Variants in COL18A1 observed in about 807,000 individuals in gnomAD.
COL18A1 encodes the protein collagen type XVIII alpha 1 chain.
COL18A1 carries 133 observed loss-of-function variants against 168.0 expected under a neutral mutation model. The ratio of observed to expected loss-of-function variants is 0.79; its 90% CI spans 0.69 to 0.91. The LOEUF is 0.91. Among genes scored for constraint, COL18A1 ranks in the 40% least tolerant of loss-of-function variants. The probability of loss-of-function intolerance (pLI) is 0.00; values close to 1 mark genes in which losing one functional copy is unlikely to be tolerated. For synonymous variants in COL18A1, 949 were observed against 809.0 expected (o/e 1.17, Z -2.94); for missense variants, 2,126 against 1,925.4 (o/e 1.10, Z -1.95).
chr21:45,455,607 T>G (rs1418097203), intron 2 of COL18A1: 3 of 1,613,850 alleles, frequency 1.9e-6, no homozygotes, highest in Non-Finnish European at 2.5e-6. Context: ...GCCAACCTGC[T>G]GAACCTGAAC....
chr21:45,427,517 GC>G (rs2033839031), intron 2 of COL18A1, among the ~76,000 whole-genome samples: 1 of 152,192 alleles, frequency 6.6e-6, no homozygotes, highest in Non-Finnish European at 1.5e-5. Flanking sequence ...CCCCAGGCAG[GC>G]CCCCTCTTGC....
intron 30 of COL18A1, 80 bp from the exon 31 acceptor site, chr21:45,496,970 G>A (rs916635561): frequency 2.1e-5 from 20 of 931,264 alleles, no homozygotes; most frequent in African/African-American, 1.1e-4. Context: ...TGGTGCTTCT[G>A]GGCTTGGGGA....
intron 20 of COL18A1, among the ~76,000 whole-genome samples, chr21:45,490,617 C>G: frequency 6.7e-6 from 1 of 149,448 alleles, no homozygotes; most frequent in East Asian, 2.0e-4. Flanking sequence ...CCTGGGCCTT[C>G]GTGTGCCCTC....
chr21:45,507,309 CACCCTCCT>C, intron 37 of COL18A1: 1 of 579,856 alleles, frequency 1.7e-6, no homozygotes, highest in Non-Finnish European at 3.1e-6. Context: ...GCAGGGAGGG[CACCCTCCT>C]GTGGGCTGGC....
At chr21:45,470,577 C>T (rs1414023220) in intron 3 of COL18A1, among the ~76,000 whole-genome samples, 1 of 150,666 alleles carries the variant, frequency 6.6e-6, no homozygotes, top group African/African-American at 2.4e-5. Context: ...ACCTCTGCCT[C>T]CCAGGTTCAT....
chr21:45,432,759 G>C (rs1312979941), intron 2 of COL18A1, among the ~76,000 whole-genome samples: 2 of 152,240 alleles, frequency 1.3e-5, no homozygotes, highest in Non-Finnish European at 2.9e-5. Flanking sequence ...ACGTGGCTCT[G>C]TGGGTCAGGG....
At chr21:45,458,067 C>T (rs548903389) in intron 2 of COL18A1, among the ~76,000 whole-genome samples, 3 of 126,760 alleles carry the variant, frequency 2.4e-5, no homozygotes, top group Non-Finnish European at 3.2e-5. Flanking sequence ...CAGGTGGTCC[C>T]AGGAGTAAAG....
rs1294834943 is a variant in COL18A1 at position 45,498,305 on chromosome 21, C to T, written c.2683+644C>T. On this transcript the variant is annotated intron_variant, in intron 32 of 41. Coordinates refer to ENST00000651438, the MANE Select transcript of COL18A1 (RefSeq NM_001379500.1). This position sits in a 1 kb window ranked among gnomAD's most constrained non-coding sequence, Gnocchi z 4.5. ...GCCTTTCACCACCAGGGTCCCCTCTCGCCGCCACGGTCCCCTCTCGCCGCC... is the reference window on the plus strand; with the variant it reads ...GCCTTTCACCACCAGGGTCCCCTCTTGCCGCCACGGTCCCCTCTCGCCGCC... 1.0e-4 allele frequency: 70 copies of T among 700,382 alleles called. No homozygotes were observed. Among genetic ancestry groups the T allele is most frequent in the Non-Finnish European group, 1.6e-4 (59 of 380,302 alleles). 43.4% of individuals were successfully genotyped at this position (700,382 alleles called of 1,614,324 possible). A position where few individuals can be genotyped will look rare whatever the true frequency, so the allele number is the denominator to read the frequency against.
chr21:45,470,073 C>T (rs562491508), intron 3 of COL18A1, among the ~76,000 whole-genome samples: 1 of 152,250 alleles, frequency 6.6e-6, no homozygotes, highest in Non-Finnish European at 1.5e-5. Flanking sequence ...GGCTGAGTGC[C>T]GAGAGCTCGG....
intron 19 of COL18A1, 64 bp from the exon 20 acceptor site, chr21:45,490,211 G>A (rs1191895035): frequency 3.3e-5 from 46 of 1,409,968 alleles, no homozygotes; most frequent in African/African-American, 8.7e-5. Context: ...CGGACTCCTC[G>A]TGGGGGTCCC....
chr21:45,407,069 C>T (rs1330265354), intron 2 of COL18A1, among the ~76,000 whole-genome samples: 1 of 152,182 alleles, frequency 6.6e-6, no homozygotes, highest in African/African-American at 2.4e-5. Context: ...GAGGGGTCTG[C>T]ATGCTGCCCA....
At chr21:45,413,468 G>A (rs973900229) in intron 2 of COL18A1, among the ~76,000 whole-genome samples, 24 of 152,206 alleles carry the variant, frequency 1.6e-4, no homozygotes, top group Admixed American at 2.6e-4. Context: ...ACGACCCCTC[G>A]GCTGTCAGGA....
At chr21:45,418,859 C>T (rs916894454) in intron 2 of COL18A1, among the ~76,000 whole-genome samples, 1 of 152,234 alleles carries the variant, frequency 6.6e-6, no homozygotes, top group Non-Finnish European at 1.5e-5. Flanking sequence ...CCAATACACA[C>T]CCTCTAGAGG....
chr21:45,495,479 C>T (rs758343284), intron 29 of COL18A1, 47 bp downstream of exon 29: 5 of 1,502,332 alleles, frequency 3.3e-6, no homozygotes, highest in Middle Eastern at 1.7e-4. Flanking sequence ...AGACCAGGAC[C>T]TGGGAATGGC....
intron 2 of COL18A1, among the ~76,000 whole-genome samples, chr21:45,462,521 C>G (rs148477374): frequency 6.6e-6 from 1 of 152,314 alleles, no homozygotes; most frequent in East Asian, 1.9e-4. Context: ...TTTGTCTGCT[C>G]AAATCACCTT....
intron 2 of COL18A1, among the ~76,000 whole-genome samples, chr21:45,439,993 C>A (rs9981397): frequency 3.3e-5 from 5 of 152,292 alleles, no homozygotes; most frequent in South Asian, 4.1e-4. Flanking sequence ...CCGCACCTCC[C>A]ACCCCTTCTG....
In COL18A1 at chr21:45,473,765, C is replaced by A; in HGVS notation, c.652-130C>A. 1.3e-6 allele frequency: 1 copy of A among 787,052 alleles called. No individual in the cohort carries two copies. The highest frequency in any genetic ancestry group is 2.2e-6 in the Non-Finnish European group (1 of 464,214). The allele number at this position is 787,052 out of a possible 1,614,324, so 48.8% of individuals were successfully genotyped here. A position where few individuals can be genotyped will look rare whatever the true frequency, so the allele number is the denominator to read the frequency against. On this transcript the variant is annotated intron_variant, in intron 3 of 41. Transcript: ENST00000651438. The surrounding 1 kb of genome is among the most constrained non-coding windows in gnomAD (Gnocchi z 4.0). ...CATACCGCACCCCCAGGGAGGCTGCCCGAGACCCCTTCCCTCTCCGAGACT... is the reference window on the plus strand; with the variant it reads ...CATACCGCACCCCCAGGGAGGCTGCACGAGACCCCTTCCCTCTCCGAGACT...
At chr21:45,409,367 G>GTA (rs1307228692) in intron 2 of COL18A1, among the ~76,000 whole-genome samples, 1 of 152,196 alleles carries the variant, frequency 6.6e-6, no homozygotes, top group Non-Finnish European at 1.5e-5. Context: ...ATGATATTTG[G>GTA]TACATTTTGA....
At chr21:45,500,369 GA>G (rs1269934855) in intron 32 of COL18A1, among the ~76,000 whole-genome samples, 3 of 131,914 alleles carry the variant, frequency 2.3e-5, no homozygotes, top group Non-Finnish European at 4.9e-5. Context: ...TGTAGTGTGT[GA>G]GGGGGTGGGG....
Sources: gnomAD v4.1 joint callset for allele counts (sites outside exome capture counted in the v4.1 genomes callset) on GRCh38, gnomAD v4.1.1 for gene constraint, Gnocchi (gnomAD v3.1) non-coding constraint, MANE v1.5 for transcripts, NCBI Gene and HGNC (gene_info 2026-07-23, HGNC 2026-07-21) for gene names.